NALF1: variants seen among roughly 807,000 people sequenced by gnomAD.
NALF1 encodes the protein NALCN channel auxiliary factor 1.
A neutral mutation model predicts 48.4 loss-of-function variants in NALF1; 3 were observed. The ratio of observed to expected loss-of-function variants is 0.06; its 90% CI spans 0.03 to 0.16. The LOEUF (loss-of-function observed/expected upper bound fraction) is 0.16. Ranked by LOEUF, NALF1 falls within the 10% of genes least tolerant of loss-of-function variation. The pLI is 1.00. For missense variants in NALF1, 526 were observed against 571.5 expected (o/e 0.92, Z 0.81); for synonymous variants, 262 against 245.7 (o/e 1.07, Z -0.62).
At chr13:107,483,459 T>G (rs1885283771) in intron 1 of NALF1, among the ~76,000 whole-genome samples, 1 of 152,202 alleles carries the variant, frequency 6.6e-6, no homozygotes. Flanking sequence ...GATTTCCATC[T>G]ATAATACTTA....
intron 1 of NALF1, among the ~76,000 whole-genome samples, chr13:107,538,460 A>G (rs529405318): frequency 2.6e-5 from 4 of 152,310 alleles, no homozygotes; most frequent in Admixed American, 2.6e-4. Context: ...AGGTGAAACC[A>G]TTGGAGCTCA....
chr13:107,324,654 C>G (rs1030417095), intron 1 of NALF1, among the ~76,000 whole-genome samples: 2 of 152,066 alleles, frequency 1.3e-5, no homozygotes, highest in Admixed American at 1.3e-4. Flanking sequence ...TAGAATGTTG[C>G]GTATCAGTTG....
At chr13:107,518,752 T>C (rs985604341) in intron 1 of NALF1, among the ~76,000 whole-genome samples, 2 of 152,136 alleles carry the variant, frequency 1.3e-5, no homozygotes, top group Admixed American at 6.6e-5. Context: ...ATTTACTTAT[T>C]TGGACATTCA....
intron 1 of NALF1, among the ~76,000 whole-genome samples, chr13:107,314,820 T>C (rs1882113638): frequency 6.6e-6 from 1 of 152,172 alleles, no homozygotes; most frequent in African/African-American, 2.4e-5. Flanking sequence ...TAGTAGGCAC[T>C]TGAGAAGATT....
chr13:107,740,892 T>A (rs1876613545), intron 1 of NALF1, among the ~76,000 whole-genome samples: 2 of 152,216 alleles, frequency 1.3e-5, no homozygotes, highest in Admixed American at 1.3e-4. Flanking sequence ...ATAAGCTATT[T>A]CTTTTGGTTA....
At chr13:107,838,117 G>A (rs977829656) in intron 1 of NALF1, among the ~76,000 whole-genome samples, 2 of 152,154 alleles carry the variant, frequency 1.3e-5, no homozygotes, top group African/African-American at 2.4e-5. Context: ...GGCTTCTAAA[G>A]AGCCTGCCAT....
At chr13:107,720,570 T>C (rs1286055557) in intron 1 of NALF1, among the ~76,000 whole-genome samples, 1 of 150,476 alleles carries the variant, frequency 6.6e-6, no homozygotes, top group Non-Finnish European at 1.5e-5. Flanking sequence ...GAGTATTGTA[T>C]GGAGTCCAGT....
chr13:107,665,396 T>C (rs1015117995), intron 1 of NALF1, among the ~76,000 whole-genome samples: 1 of 152,142 alleles, frequency 6.6e-6, no homozygotes, highest in African/African-American at 2.4e-5. Context: ...TTCTTACTCT[T>C]AGGCAATAGT....
chr13:107,687,485 A>G (rs559922588), intron 1 of NALF1, among the ~76,000 whole-genome samples: 1 of 103,536 alleles, frequency 9.7e-6, no homozygotes, highest in Admixed American at 1.2e-4. Context: ...AAAGAAAGAA[A>G]TTGATCCAGT....
At chr13:107,191,866 G>GT (rs1879289814) in intron 2 of NALF1, among the ~76,000 whole-genome samples, 1 of 120,516 alleles carries the variant, frequency 8.3e-6, no homozygotes, top group Non-Finnish European at 1.7e-5. Context: ...ATTTTTAGTA[G>GT]AGACGGGGTT....
intron 1 of NALF1, among the ~76,000 whole-genome samples, chr13:107,241,134 C>G (rs1880462844): frequency 6.7e-6 from 1 of 150,254 alleles, no homozygotes; most frequent in African/African-American, 2.5e-5. Context: ...GCAGAGGTTG[C>G]AGTGAGCCGA....
chr13:107,541,861 G>C (rs1459276935), intron 1 of NALF1, among the ~76,000 whole-genome samples: 1 of 152,088 alleles, frequency 6.6e-6, no homozygotes, highest in African/African-American at 2.4e-5. Context: ...CAAGAACTAA[G>C]TGTGGCCACC....
chr13:107,365,680 A>C lies in NALF1; in HGVS notation c.916-154925T>G, dbSNP rs530570683. On this transcript the variant is annotated intron_variant, in intron 1 of 2. Coordinates refer to ENST00000375915, the MANE Select transcript of NALF1 (RefSeq NM_001080396.3). ...TTGACTAATAAGTAGTATCCCTGTA[A>C]TCTCATTCCATTCCTGGGGTGAGTC... is the stretch of plus-strand genomic sequence containing the variant. Among the ~76,000 whole-genome samples the C allele has an allele frequency of 5.9e-5, 9 of 152,352 alleles. No homozygotes were observed. The South Asian group carries it at 1.9e-3, about 32-fold the overall frequency.
intron 1 of NALF1, among the ~76,000 whole-genome samples, chr13:107,813,963 A>G (rs181340271): frequency 1.6e-3 from 238 of 152,330 alleles, no homozygotes; most frequent in Middle Eastern, 3.4e-3. Flanking sequence ...TATCCAAAAT[A>G]CATAGGTTTT....
intron 1 of NALF1, among the ~76,000 whole-genome samples, chr13:107,840,171 T>C (rs370137725): frequency 2.0e-5 from 3 of 152,336 alleles, no homozygotes; most frequent in African/African-American, 7.2e-5. Flanking sequence ...GCTGTGTACC[T>C]AACTCTATAC....
chr13:107,838,466 G>C (rs1879962861), intron 1 of NALF1, among the ~76,000 whole-genome samples: 1 of 152,020 alleles, frequency 6.6e-6, no homozygotes. Flanking sequence ...CATGCATTTG[G>C]AAATCAGTTT....
intron 1 of NALF1, among the ~76,000 whole-genome samples, chr13:107,852,076 AC>A (rs1377873968): frequency 1.3e-5 from 2 of 151,964 alleles, no homozygotes; most frequent in East Asian, 3.9e-4. Context: ...TGCTGGGATT[AC>A]AGGTATGAGC....
At chr13:107,710,416 T>TA (rs1261232357) in intron 1 of NALF1, among the ~76,000 whole-genome samples, 6 of 152,148 alleles carry the variant, frequency 3.9e-5, no homozygotes, top group Non-Finnish European at 7.4e-5. Flanking sequence ...GGGCTTGCGT[T>TA]AGTTCGTTTT....
At chr13:107,402,273 A>G (rs538180151) in intron 1 of NALF1, among the ~76,000 whole-genome samples, 8 of 152,322 alleles carry the variant, frequency 5.3e-5, no homozygotes, top group East Asian at 1.9e-4. Flanking sequence ...GCTAACAGGC[A>G]GCAAACAACT....
Sources: gnomAD v4.1 joint callset for allele counts (sites outside exome capture counted in the v4.1 genomes callset) on GRCh38, gnomAD v4.1.1 for gene constraint, MANE v1.5 for transcripts, NCBI Gene and HGNC (gene_info 2026-07-23, HGNC 2026-07-21) for gene names.